The following FBXO33 variants were observed in gnomAD, a reference collection of about 807,000 sequenced individuals.
FBXO33 encodes F-box protein 33.
FBXO33 carries 22 observed loss-of-function variants against 46.3 expected under a neutral mutation model. That is an observed-to-expected ratio of 0.48 (90% CI 0.34 to 0.68). FBXO33 has a LOEUF of 0.68. Ranked by LOEUF, FBXO33 falls within the 30% of genes least tolerant of loss-of-function variation. The pLI is 0.01. For missense variants in FBXO33, 692 were observed against 708.8 expected (o/e 0.98, Z 0.27); for synonymous variants, 337 against 291.3 (o/e 1.16, Z -1.60).
Position 39,399,463 on chromosome 14 carries a change from T to A in FBXO33, c.*53A>T. On this transcript the variant is annotated 3_prime_UTR_variant, in exon 4 of 4. Coordinates refer to ENST00000298097, the MANE Select transcript of FBXO33 (RefSeq NM_203301.4). The stretch of plus-strand genomic sequence containing the variant: ...AATTCACACTACTGAAAAAAAAACA[T>A]AATAGGACCCTACTTGCATATGTAA... 6.6e-7 allele frequency: 1 copy of A among 1,508,178 alleles called. No individual in the cohort carries two copies. The allele number at this position is 1,508,178 out of a possible 1,614,324, so 93.4% of individuals were successfully genotyped here.
At position 39,431,958 on chromosome 14, in the gene FBXO33, C is replaced by G; in HGVS notation, c.205G>C (p.Ala69Pro). The change falls in exon 1 of 4, where the codon GCG (alanine) becomes CCG (proline). Residue 69 changes from alanine to proline, a missense_variant. By Grantham distance (27) the Ala-to-Pro change is conservative. Around this residue, in one of 3 missense-constraint regions of FBXO33, gnomAD observed 412 missense variants for 370.8 expected, o/e 1.11. Coordinates refer to ENST00000298097, the MANE Select transcript of FBXO33 (RefSeq NM_203301.4). ...ACGATCAGCTCGCTGGGCAGCGACG[C>G]AGCGCCCGCCGCCTGCCCGCACAGA... ...MALCGQAAGA[A>P]SLPSELIVHI... is the part of the protein sequence containing the mutation. The G allele has an allele frequency of 2.6e-6, 4 of 1,528,660 alleles. No homozygotes were observed. Among genetic ancestry groups the G allele is most frequent in the Non-Finnish European group, 3.5e-6 (4 of 1,143,966 alleles). The allele number at this position is 1,528,660 out of a possible 1,614,324, so 94.7% of individuals were successfully genotyped here.
intron 1 of FBXO33, among the ~76,000 whole-genome samples, chr14:39,421,739 C>A (rs879277959): frequency 1.3e-5 from 2 of 151,610 alleles, no homozygotes; most frequent in African/African-American, 2.4e-5. Context: ...TATGTTTTCA[C>A]ATAATAAACT....
Position 39,405,899 on chromosome 14 carries a change from G to A in FBXO33, c.600-3388C>T, listed in dbSNP as rs538877755. ...ACCTTTAAAAAGTTTTAGTCACTCT[G>A]GTAAATCTAATCAACTTGACATGTG... is the stretch of plus-strand genomic sequence containing the variant. On this transcript the variant is annotated intron_variant, in intron 1 of 3. Coordinates refer to ENST00000298097, the MANE Select transcript of FBXO33 (RefSeq NM_203301.4). 5.4e-5 allele frequency among the ~76,000 whole-genome samples: 8 copies of A among 148,532 alleles called. 3 individuals are homozygous for A. Among genetic ancestry groups the A allele is most frequent in the Admixed American group, 1.4e-4 (2 of 14,756 alleles).
In FBXO33 at chr14:39,401,372, A is replaced by G. The variant is rs2075367718; in HGVS notation, c.1200T>C (p.Asp400=). Residue 400 remains aspartate, a synonymous_variant, in exon 3 of 4, where the codon GAT becomes GAC. Transcript: ENST00000298097. ...CCCCTGAAACACAAGTGATATAGCT[A>G]TCAAAATGAATCCTCTCTAGTGGTA... ...PSIPLERIHF[D]SYITCVSGAI... 1.2e-6 allele frequency: 2 copies of G among 1,614,160 alleles called. No homozygotes were observed. The highest frequency in any genetic ancestry group is 1.1e-5 in the South Asian group (1 of 91,070).
intron 2 of FBXO33, 131 bp from the exon 3 acceptor site, chr14:39,401,992 T>G (rs1317237569): frequency 2.9e-6 from 2 of 683,862 alleles, no homozygotes; most frequent in Middle Eastern, 2.6e-4. Flanking sequence ...GTAATTTCGA[T>G]TCAACCCACA....
intron 1 of FBXO33, among the ~76,000 whole-genome samples, chr14:39,419,240 T>C (rs2075467269): frequency 6.6e-6 from 1 of 152,246 alleles, no homozygotes; most frequent in Non-Finnish European, 1.5e-5. Context: ...ACTCACGTAT[T>C]TCAGAGCAGT....
At chr14:39,404,681 C>A (rs1171515117) in intron 1 of FBXO33, among the ~76,000 whole-genome samples, 1 of 151,818 alleles carries the variant, frequency 6.6e-6, no homozygotes, top group African/African-American at 2.4e-5. Flanking sequence ...GGTAGGGAGA[C>A]AGCATTATAG....
Position 39,401,742 on chromosome 14 carries a change from G to A in FBXO33, c.830C>T (p.Ala277Val), listed in dbSNP as rs141687934. Residue 277 changes from alanine (A) to valine (V), a missense_variant, in exon 3 of 4, where the codon GCC becomes GTC. Ala to Val is a moderately conservative substitution (Grantham distance 64, BLOSUM62 0). This residue lies in a region of FBXO33 where 412 missense variants were observed against 370.8 expected (regional missense o/e 1.11). Transcript: ENST00000298097. ...TSLSSLSNAV[A>V]NTMEHLSLLD... ...TAAACTGAGGTGCTCCATGGTGTTG[G>A]CAACAGCATTAGAGAGAGATGACAG... 394 of 1,614,132 alleles carry A rather than the reference G, an allele frequency of 2.4e-4. 2 individuals carry two copies. The Middle Eastern group carries it at 4.6e-3, about 19-fold the overall frequency.
At chr14:39,418,514 G>A (rs1158027437) in intron 1 of FBXO33, among the ~76,000 whole-genome samples, 2 of 150,910 alleles carry the variant, frequency 1.3e-5, no homozygotes, top group African/African-American at 2.4e-5. Context: ...AGTGGCTCAG[G>A]CCTGTAATCC....
chr14:39,420,466 G>T (rs550638523), intron 1 of FBXO33, among the ~76,000 whole-genome samples: 63 of 152,224 alleles, frequency 4.1e-4, no homozygotes, highest in African/African-American at 1.4e-3. Context: ...CGGGGCGGGC[G>T]GATCACGAGG....
At chr14:39,425,110 C>A (rs2075505685) in intron 1 of FBXO33, among the ~76,000 whole-genome samples, 1 of 152,094 alleles carries the variant, frequency 6.6e-6, no homozygotes, top group Non-Finnish European at 1.5e-5. Context: ...CTATACTGCA[C>A]AAGAATTTCC....
chr14:39,417,618 C>A (rs1349041106), intron 1 of FBXO33, among the ~76,000 whole-genome samples: 1 of 152,078 alleles, frequency 6.6e-6, no homozygotes, highest in Non-Finnish European at 1.5e-5. Context: ...GCAACCTCCA[C>A]CTCCTGGGTT....
At chr14:39,412,486 T>G (rs1402626771) in intron 1 of FBXO33, among the ~76,000 whole-genome samples, 2 of 152,234 alleles carry the variant, frequency 1.3e-5, no homozygotes, top group Admixed American at 6.5e-5. Context: ...GGATCCTGTT[T>G]TTTAATTCAT....
intron 1 of FBXO33, among the ~76,000 whole-genome samples, chr14:39,405,921 T>C (rs559178411): frequency 1.1e-4 from 11 of 99,590 alleles, no homozygotes; most frequent in African/African-American, 3.0e-4. Context: ...CAACTTGACA[T>C]GTGATTCTAA....
chr14:39,420,543 C>A (rs893174310), intron 1 of FBXO33, among the ~76,000 whole-genome samples: 1 of 151,980 alleles, frequency 6.6e-6, no homozygotes, highest in East Asian at 1.9e-4. Flanking sequence ...AAAAATTAGC[C>A]AGGCGTGGTG....
At chr14:39,414,553 C>CT (rs2075438617) in intron 1 of FBXO33, among the ~76,000 whole-genome samples, 1 of 152,240 alleles carries the variant, frequency 6.6e-6, no homozygotes, top group Non-Finnish European at 1.5e-5. Context: ...AAGTGCCTTC[C>CT]TTATGAAGCT....
intron 1 of FBXO33, among the ~76,000 whole-genome samples, chr14:39,414,711 C>T (rs543857586): frequency 3.3e-5 from 5 of 152,184 alleles, no homozygotes; most frequent in African/African-American, 9.6e-5. Context: ...GCCCAGGCTG[C>T]AGTGCAGTGG....
rs2075368381 is a variant in FBXO33 at position 39,401,479 on chromosome 14, G to C, written c.1093C>G (p.Arg365Gly). 6.2e-7 allele frequency: 1 copy of C among 1,613,996 alleles called. No homozygotes were observed. The highest frequency in any genetic ancestry group is 8.5e-7 in the Non-Finnish European group (1 of 1,180,034). ...PNDEHWKALS[R>G]KSTSFRVYIM... is the part of the protein sequence containing the mutation. ...TAGACCCGAAAGCTGGTGCTCTTTC[G>C]TGACAGGGCTTTCCAATGCTCATCA... The change falls in exon 3 of 4, where the codon CGA becomes GGA. Residue 365 changes from arginine (R) to glycine (G), a missense_variant. Arg to Gly is a moderately radical substitution (Grantham distance 125). This residue lies in a region of FBXO33 where 186 missense variants were observed against 246.1 expected (regional missense o/e 0.76). Transcript: ENST00000298097.
Position 39,431,850 on chromosome 14 carries a change from G to A in FBXO33, c.313C>T (p.Pro105Ser). 1 of 1,597,162 alleles carries A rather than the reference G, an allele frequency of 6.3e-7. No homozygotes were observed. The highest frequency in any genetic ancestry group is 1.3e-5 in the African/African-American group (1 of 74,914). ...CSHWRECLFY[P>S]ALWPQLRICL... ...ATGCGGAGCTGGGGCCACAGGGCCG[G>A]ATAGAAGAGGCACTCACGCCAGTGC... Residue 105 changes from proline to serine, a missense_variant, in exon 1 of 4, where the codon CCG becomes TCG. Transcript: ENST00000298097.
Sources: gnomAD v4.1 joint callset for allele counts (sites outside exome capture counted in the v4.1 genomes callset) on GRCh38, gnomAD v4.1.1 for gene constraint, gnomAD v4.1.1 regional missense constraint, MANE v1.5 for transcripts, NCBI Gene and HGNC (gene_info 2026-07-23, HGNC 2026-07-21) for gene names.